GNAS: variants seen among roughly 807,000 people sequenced by gnomAD.
GNAS encodes the protein protein ALEX.
GNAS carries 8 observed loss-of-function variants against 54.5 expected under a neutral mutation model. The observed-to-expected ratio is 0.15, with a 90% CI of 0.09 to 0.26. The LOEUF is 0.26. Ranked by LOEUF, GNAS falls within the 10% of genes least tolerant of loss-of-function variation. The probability of loss-of-function intolerance (pLI) is 1.00; values close to 1 mark genes in which losing one functional copy is unlikely to be tolerated. For synonymous variants in GNAS, 204 were observed against 191.4 expected, an observed-to-expected ratio of 1.07 and a Z score of -0.54; for missense variants, 170 against 529.8, an observed-to-expected ratio of 0.32 and a Z score of 6.67.
chr20:58,854,909 G>T (rs752916577), intron 1 of GNAS: 1 of 1,597,340 alleles, frequency 6.3e-7, no homozygotes, highest in Non-Finnish European at 8.5e-7. Context: ...CTACTCGCGC[G>T]TCTGCCTGGC....
At chr20:58,889,222 C>CCAGCG (rs1555882379), upstream of GNAS, 3 of 1,199,790 alleles carry the variant, frequency 2.5e-6, no homozygotes, top group Non-Finnish European at 3.2e-6. Flanking sequence ...AGGTGGCTGG[C>CCAGCG]CGGCGCGGCG....
At chr20:58,906,517 T>TA (rs377603222) in intron 6 of GNAS, among the ~76,000 whole-genome samples, 1 of 152,178 alleles carries the variant, frequency 6.6e-6, no homozygotes, top group Non-Finnish European at 1.5e-5. Context: ...CAGGGTTATT[T>TA]AAAAAATATG....
upstream of GNAS, chr20:58,889,208 C>T (rs1169055169): frequency 2.2e-5 from 26 of 1,194,948 alleles, no homozygotes; most frequent in Non-Finnish European, 2.7e-5. Context: ...GAGCGGGCTG[C>T]GTCAGGTGGC....
Position 58,856,551 on chromosome 20 carries a change from CTG to C in GNAS, c.43+15666_43+15667del, listed in dbSNP as rs544032230. ...AAAATAAAAGTTTTCAAAAAATGCTCTGAGTGTATTTGAAGTGTGTGGACAAA... is the reference window on the plus strand; with the variant it reads ...AAAATAAAAGTTTTCAAAAAATGCTCAGTGTATTTGAAGTGTGTGGACAAA... On this transcript the variant is annotated intron_variant, in intron 1 of 12. Transcript: ENST00000306090. This position sits in a 1 kb window ranked among gnomAD's most constrained non-coding sequence, Gnocchi z 4.2. 2.0e-5 allele frequency: 3 copies of C among 152,440 alleles called. No homozygotes were observed. Among genetic ancestry groups the C allele is most frequent in the Non-Finnish European group, 4.4e-5 (3 of 68,036 alleles). 9.4% of individuals were successfully genotyped at this position (152,440 alleles called of 1,614,324 possible). A position where few individuals can be genotyped will look rare whatever the true frequency, so the allele number is the denominator to read the frequency against.
At chr20:58,861,363 G>A (rs2086773828) in intron 1 of GNAS, among the ~76,000 whole-genome samples, 1 of 152,196 alleles carries the variant, frequency 6.6e-6, no homozygotes, top group Non-Finnish European at 1.5e-5. Context: ...GGAACTAAAA[G>A]CACTGGGCAG....
At chr20:58,892,063 G>C in intron 1 of GNAS, 198 bp downstream of exon 1, 1 of 947,532 alleles carries the variant, frequency 1.1e-6, no homozygotes, top group Non-Finnish European at 1.3e-6. Flanking sequence ...GCTCAAAAAC[G>C]GGGCGGGGGG....
intron 1 of GNAS, among the ~76,000 whole-genome samples, chr20:58,847,160 T>C (rs1261824114): frequency 6.6e-6 from 1 of 152,134 alleles, no homozygotes; most frequent in Non-Finnish European, 1.5e-5. Flanking sequence ...CTACAGCTAA[T>C]TAGCTGAGTG....
Position 58,841,542 on chromosome 20 carries a change from A to C in GNAS, c.43+656A>C. On this transcript the variant is annotated intron_variant, in intron 1 of 12. Coordinates refer to the GNAS transcript ENST00000306090. This position sits in a 1 kb window ranked among gnomAD's most constrained non-coding sequence, Gnocchi z 5.0. ...CCAGTGCCTCCAGCTGCCGTGCGCC[A>C]GCCTTGGCCGCCACAGCCCGCCTCC... 1 of 996,064 alleles carries C rather than the reference A, an allele frequency of 1.0e-6. No individual in the cohort carries two copies. Among genetic ancestry groups the C allele is most frequent in the Non-Finnish European group, 1.2e-6 (1 of 837,512 alleles). 61.7% of individuals were successfully genotyped at this position (996,064 alleles called of 1,614,324 possible). A position where few individuals can be genotyped will look rare whatever the true frequency, so the allele number is the denominator to read the frequency against.
chr20:58,891,554 C>A lies in GNAS; in HGVS notation c.-173C>A. On this transcript the variant is annotated 5_prime_UTR_variant, in exon 1 of 13. Transcript: ENST00000371085. ...CGACACCCTCCCCTTCCCGCCCGTC[C>A]GCGCGCCCCGCGGCCCGCGGCCCGC... 1.0e-6 allele frequency: 1 copy of A among 973,918 alleles called. No homozygotes were observed. The highest frequency in any genetic ancestry group is 4.6e-5 in the South Asian group (1 of 21,570). 60.3% of individuals were successfully genotyped at this position (973,918 alleles called of 1,614,324 possible). A position where few individuals can be genotyped will look rare whatever the true frequency, so the allele number is the denominator to read the frequency against.
intron 3 of GNAS, among the ~76,000 whole-genome samples, chr20:58,900,579 C>A (rs540217691): frequency 3.5e-4 from 53 of 152,186 alleles, no homozygotes; most frequent in African/African-American, 1.3e-3. Flanking sequence ...CTGCTGTATA[C>A]ATAGAAGGGG....
chr20:58,886,255 G>C (rs62205363), intron 1 of GNAS, among the ~76,000 whole-genome samples: 19,394 of 152,150 alleles, frequency 0.13, 1,659 homozygotes, highest in Non-Finnish European at 0.18. Context: ...GAAATGTTTC[G>C]AGGCCATATC....
At chr20:58,889,351 C>T, upstream of GNAS, 1 of 984,670 alleles carries the variant, frequency 1.0e-6, no homozygotes, top group Non-Finnish European at 1.2e-6. Context: ...ACCTCACTCA[C>T]ATGTAAGTCG....
chr20:58,855,412 C>A, intron 1 of GNAS: 70 of 1,257,442 alleles, frequency 5.6e-5, no homozygotes, highest in Non-Finnish European at 7.4e-5. Flanking sequence ...CCTGGTGGGG[C>A]TAGGGGCTCC....
chr20:58,865,432 A>T (rs973559320), intron 1 of GNAS, among the ~76,000 whole-genome samples: 2 of 147,984 alleles, frequency 1.4e-5, no homozygotes, highest in African/African-American at 2.5e-5. Flanking sequence ...AAATATATAT[A>T]TACACATATA....
In GNAS at chr20:58,900,067, T is replaced by C. The variant is rs148797707; in HGVS notation, c.257+1082T>C. On this transcript the variant is annotated intron_variant, in intron 3 of 12. Coordinates refer to ENST00000371085, the MANE Select transcript of GNAS (RefSeq NM_000516.7). ...TTCTAATAAGAATACTATTCTGTTA[T>C]CTGAGGGGGGAGGGGGGATGGGGCC... The C allele has an allele frequency of 1.1e-3, 593 of 542,380 alleles. 8 individuals carry two copies. In the East Asian group the frequency reaches 0.018, roughly 16 times the overall value. The allele number at this position is 542,380 out of a possible 1,614,324, so 33.6% of individuals were successfully genotyped here.
chr20:58,897,233 T>C (rs1411714290), intron 2 of GNAS, among the ~76,000 whole-genome samples: 1 of 152,192 alleles, frequency 6.6e-6, no homozygotes. Context: ...AATTAATTCT[T>C]GACACACCCC....
chr20:58,861,998 C>T (rs2086807848), intron 1 of GNAS, among the ~76,000 whole-genome samples: 1 of 151,988 alleles, frequency 6.6e-6, no homozygotes, highest in Non-Finnish European at 1.5e-5. Context: ...AGCCATGGCA[C>T]CTGGCCTTTT....
intron 1 of GNAS, among the ~76,000 whole-genome samples, chr20:58,880,275 G>A (rs2088138796): frequency 6.6e-6 from 1 of 152,168 alleles, no homozygotes; most frequent in Non-Finnish European, 1.5e-5. Flanking sequence ...ATGACCCCCA[G>A]ATGCTGTTCC....
At chr20:58,903,006 G>A in intron 3 of GNAS, 1 of 228,720 alleles carries the variant, frequency 4.4e-6, no homozygotes, top group Non-Finnish European at 8.8e-6. Flanking sequence ...AAAGTGCTGG[G>A]ATTACAGGTG....
Sources: allele counts gnomAD v4.1 joint callset (sites outside exome capture counted in the v4.1 genomes callset), GRCh38; gene constraint gnomAD v4.1.1; non-coding constraint Gnocchi (gnomAD v3.1); transcripts MANE v1.5; gene names NCBI Gene and HGNC (gene_info 2026-07-23, HGNC 2026-07-21).